TTC7A: variants seen among roughly 807,000 people sequenced by gnomAD.
TTC7A encodes the protein tetratricopeptide repeat protein 7A.
A neutral mutation model predicts 103.7 loss-of-function variants in TTC7A; 110 were observed. The ratio of observed to expected loss-of-function variants is 1.06; its 90% CI spans 0.91 to 1.24. The LOEUF (loss-of-function observed/expected upper bound fraction) is 1.24, where lower values mean the gene tolerates loss of function less well. TTC7A is among the 50% of genes most tolerant of loss of function. The pLI is 0.00. For synonymous variants in TTC7A, 521 were observed against 467.9 expected, an observed-to-expected ratio of 1.11 and a Z score of -1.47; for missense variants, 1,340 against 1,116.3, an observed-to-expected ratio of 1.20 and a Z score of -2.86.
chr2:46,995,755 C>T (rs944885129), intron 8 of TTC7A, among the ~76,000 whole-genome samples: 7 of 152,232 alleles, frequency 4.6e-5, no homozygotes, highest in African/African-American at 1.4e-4. Flanking sequence ...ATTTATTGAG[C>T]ATCTACTTTG....
chr2:47,002,287 G>A (rs909459808), intron 8 of TTC7A, among the ~76,000 whole-genome samples: 1 of 152,192 alleles, frequency 6.6e-6, no homozygotes, highest in Non-Finnish European at 1.5e-5. Context: ...GTGGGTGTGG[G>A]GGTTATGGCA....
At chr2:46,992,476 G>A (rs148058915) in intron 5 of TTC7A, among the ~76,000 whole-genome samples, 2,772 of 152,346 alleles carry the variant, frequency 0.018, 38 homozygotes, top group Middle Eastern at 0.068. Context: ...AGCCAGTGCC[G>A]AGACTTGATA....
At chr2:46,931,723 T>TAAATAAATAAAA (rs1406473779) in intron 2 of TTC7A, among the ~76,000 whole-genome samples, 3 of 151,426 alleles carry the variant, frequency 2.0e-5, no homozygotes, top group African/African-American at 7.3e-5. Context: ...AATAAATAAA[T>TAAATAAATAAAA]AAAATTGATA....
intron 3 of TTC7A, among the ~76,000 whole-genome samples, chr2:46,964,686 G>T (rs1227128275): frequency 6.6e-6 from 1 of 152,174 alleles, no homozygotes; most frequent in East Asian, 1.9e-4. Flanking sequence ...CCCTGGCTTT[G>T]ATTGGCATCC....
chr2:46,962,987 G>A (rs1236789951), intron 3 of TTC7A, among the ~76,000 whole-genome samples: 5 of 152,236 alleles, frequency 3.3e-5, no homozygotes, highest in African/African-American at 9.6e-5. Flanking sequence ...TAAAGATGGT[G>A]TTGACTTCAA....
chr2:47,045,883 T>G (rs1426880646), intron 15 of TTC7A, among the ~76,000 whole-genome samples: 2 of 152,164 alleles, frequency 1.3e-5, no homozygotes, highest in African/African-American at 4.8e-5. Flanking sequence ...GATGGGTCTC[T>G]TATCCAAGGT....
chr2:46,955,639 G>A (rs1249812173), intron 2 of TTC7A, among the ~76,000 whole-genome samples: 1 of 152,212 alleles, frequency 6.6e-6, no homozygotes, highest in Non-Finnish European at 1.5e-5. Context: ...AGAAGGACCA[G>A]TTGGGAAGGT....
In TTC7A at chr2:46,987,968, A is replaced by G. The variant is rs187546390; in HGVS notation, c.765-5482A>G. ...TCCATCAGTAATTTTGCCTTGTTCT[A>G]GTAGCCACCTGGTATCTGCAGGGCT... On this transcript the variant is annotated intron_variant, in intron 5 of 19. Transcript: ENST00000319190. 3.7e-3 allele frequency among the ~76,000 whole-genome samples: 557 copies of G among 152,272 alleles called. 15 individuals carry two copies. Among genetic ancestry groups the G allele is most frequent in the Admixed American group, 0.034 (516 of 15,296 alleles).
chr2:47,055,597 C>T (rs950389881), intron 18 of TTC7A, among the ~76,000 whole-genome samples: 1 of 152,188 alleles, frequency 6.6e-6, no homozygotes, highest in Non-Finnish European at 1.5e-5. Flanking sequence ...TCCCAGGTCA[C>T]GGCTCTGGGA....
chr2:46,999,658 G>T, intron 8 of TTC7A: 1 of 985,392 alleles, frequency 1.0e-6, no homozygotes, highest in Non-Finnish European at 1.2e-6. Flanking sequence ...AACCTCAAAC[G>T]TAAATTCTTG....
intron 18 of TTC7A, among the ~76,000 whole-genome samples, chr2:47,056,453 G>T (rs968144699): frequency 6.6e-6 from 1 of 152,186 alleles, no homozygotes; most frequent in East Asian, 1.9e-4. Context: ...GTGGGCCCAG[G>T]CTCTCTGTAC....
rs140110624 is a variant in TTC7A, at chr2:47,040,709, G to A, written c.1803-5606G>A. Among the ~76,000 whole-genome samples, 878 of 152,332 alleles carry A rather than the reference G, an allele frequency of 5.8e-3. 6 individuals are homozygous for A. The highest frequency in any genetic ancestry group is 0.019 in the African/African-American group (776 of 41,578). ...TTCAAAGCAGGAGTCCCTTCCCTGT[G>A]TGCTGGAGAGCTGAATGCAGCTGCT... On this transcript the variant is annotated intron_variant, in intron 15 of 19. Coordinates refer to ENST00000319190, the MANE Select transcript of TTC7A (RefSeq NM_020458.4).
intron 5 of TTC7A, among the ~76,000 whole-genome samples, chr2:46,980,216 C>CTT (rs5830931): frequency 1.2e-4 from 15 of 124,122 alleles, no homozygotes; most frequent in Non-Finnish European, 1.8e-4. Context: ...TACTCTCTCT[C>CTT]TTTTTTTTTT....
At chr2:47,034,980 T>C (rs1489976320) in intron 15 of TTC7A, among the ~76,000 whole-genome samples, 1 of 152,232 alleles carries the variant, frequency 6.6e-6, no homozygotes, top group Non-Finnish European at 1.5e-5. Context: ...ATGTTTGAGC[T>C]GATAACCAGG....
At chr2:46,925,931 G>A (rs1461362130) in intron 2 of TTC7A, among the ~76,000 whole-genome samples, 1 of 152,186 alleles carries the variant, frequency 6.6e-6, no homozygotes, top group Non-Finnish European at 1.5e-5. Context: ...GTGCCACCCA[G>A]GTGTCAGCTA....
chr2:47,038,720 GC>G (rs1572992135), intron 15 of TTC7A, among the ~76,000 whole-genome samples: 1 of 129,716 alleles, frequency 7.7e-6, no homozygotes, highest in East Asian at 2.5e-4. Flanking sequence ...GCTGCCCAGG[GC>G]CCAGTGAGCA....
Position 47,023,464 on chromosome 2 carries a change from A to T in TTC7A, c.1567A>T (p.Arg523Trp). 6.2e-7 allele frequency: 1 copy of T among 1,614,064 alleles called. No homozygotes were observed. The highest frequency in any genetic ancestry group is 8.5e-7 in the Non-Finnish European group (1 of 1,179,982). Residue 523 changes from arginine (R) to tryptophan (W), a missense_variant and splice_region_variant, in exon 13 of 20, where the codon AGG becomes TGG. Physicochemically the swap from Arg to Trp is moderately radical, Grantham distance 101 (BLOSUM62 -3). Coordinates refer to ENST00000319190, the MANE Select transcript of TTC7A (RefSeq NM_020458.4). Reference sequence around the variant, plus strand: ...CCGGAAGGCACTGCAGACGCTGGAGAGGTGAGGAGGCTCCCACCTGCAGCA... The same window carrying T: ...CCGGAAGGCACTGCAGACGCTGGAGTGGTGAGGAGGCTCCCACCTGCAGCA... ...LHRKALQTLE[R>W]AQQLAPSDPQ...
chr2:47,072,189 C>T (rs575089785), intron 19 of TTC7A, among the ~76,000 whole-genome samples: 2 of 152,308 alleles, frequency 1.3e-5, no homozygotes, highest in African/African-American at 2.4e-5. Context: ...GAGTCAGCAC[C>T]GCTCCCATCT....
At chr2:46,935,549 G>T (rs538103680) in intron 2 of TTC7A, among the ~76,000 whole-genome samples, 1 of 152,074 alleles carries the variant, frequency 6.6e-6, no homozygotes, top group Non-Finnish European at 1.5e-5. Flanking sequence ...TAAGCTTTGC[G>T]TTATCACAAA....
Sources: gnomAD v4.1 joint callset for allele counts (sites outside exome capture counted in the v4.1 genomes callset) on GRCh38, gnomAD v4.1.1 for gene constraint, MANE v1.5 for transcripts, NCBI Gene and HGNC (gene_info 2026-07-23, HGNC 2026-07-21) for gene names.